The following GEN1 variants were observed in gnomAD, a reference collection of about 807,000 sequenced individuals.
GEN1 encodes GEN1 structure-specific endonuclease.
GEN1 carries 64 observed loss-of-function variants against 67.6 expected under a neutral mutation model. The observed-to-expected ratio is 0.95, with a 90% CI of 0.77 to 1.17. The LOEUF (loss-of-function observed/expected upper bound fraction) is 1.17. Among genes scored for constraint, GEN1 ranks in the 50% most tolerant of loss-of-function variants. The pLI is 0.00. For synonymous variants in GEN1, 371 were observed against 359.4 expected (o/e 1.03, Z -0.37); for missense variants, 1,058 against 1,048.3 (o/e 1.01, Z -0.13).
At chr2:17,772,825 C>A (rs1411670450) in intron 8 of GEN1, 41 bp downstream of exon 8, 2 of 1,486,078 alleles carry the variant, frequency 1.3e-6, no homozygotes, top group Non-Finnish European at 1.9e-6. Context: ...CTGGCATGAC[C>A]TATACACATA....
chr2:17,774,714 A>G (rs563977664), intron 11 of GEN1, among the ~76,000 whole-genome samples: 2 of 152,266 alleles, frequency 1.3e-5, no homozygotes, highest in South Asian at 4.1e-4. Context: ...TGGGAACTAA[A>G]ACTGGTTTTG....
Position 17,780,683 on chromosome 2 carries a change from A to G in GEN1, c.1471A>G (p.Met491Val), listed in dbSNP as rs780197637. ...TGAAGTAATGAGCTTTCAGTCACAC[A>G]TGACTTTAAAACCCACATGTGAAAT... ...PDEVMSFQSHMTLKPTCEIFH... is the reference protein window; with the variant it reads ...PDEVMSFQSHVTLKPTCEIFH... The change falls in exon 14 of 14, where the codon ATG (methionine) becomes GTG (valine). Residue 491 changes from methionine (M) to valine (V), a missense_variant. Transcript: ENST00000381254. The G allele has an allele frequency of 1.5e-5, 24 of 1,613,504 alleles. No homozygotes were observed. The highest frequency in any genetic ancestry group is 4.5e-5 in the East Asian group (2 of 44,850).
chr2:17,755,576 A>G (rs1476889990), intron 1 of GEN1: 2 of 152,226 alleles, frequency 1.3e-5, no homozygotes, highest in Admixed American at 1.3e-4. Flanking sequence ...ATCCCTTAAA[A>G]TATAATCTTG....
intron 5 of GEN1, among the ~76,000 whole-genome samples, chr2:17,767,556 C>T (rs1053261162): frequency 2.0e-5 from 3 of 152,072 alleles, no homozygotes; most frequent in Non-Finnish European, 4.4e-5. Context: ...AGGAAAGAAA[C>T]TTTTAAATAC....
intron 7 of GEN1, among the ~76,000 whole-genome samples, chr2:17,772,213 C>T (rs1408700235): frequency 1.3e-5 from 2 of 151,984 alleles, no homozygotes; most frequent in Non-Finnish European, 2.9e-5. Context: ...CTGCTATATT[C>T]TTTTAATACA....
Position 17,781,306 on chromosome 2 carries a change from G to A in GEN1, c.2094G>A (p.Leu698=). The part of the protein sequence containing the change: ...NLQPDVNLKT[L]SILSVKESCI... ...AACCAGATGTCAACCTGAAAACTTT[G>A]TCCATACTTAGTGTAAAAGAATCTT... is the stretch of plus-strand genomic sequence containing the variant. The change falls in exon 14 of 14, where the codon TTG becomes TTA. Residue 698 remains leucine (L), a synonymous_variant. Coordinates refer to ENST00000381254, the MANE Select transcript of GEN1 (RefSeq NM_001130009.3). 1 of 1,613,748 alleles carries A rather than the reference G, an allele frequency of 6.2e-7. No homozygotes were observed. Among genetic ancestry groups the A allele is most frequent in the South Asian group, 1.1e-5 (1 of 91,064 alleles).
At chr2:17,776,883 G>A (rs1246732882) in intron 11 of GEN1, among the ~76,000 whole-genome samples, 1 of 152,214 alleles carries the variant, frequency 6.6e-6, no homozygotes. Context: ...TTAGCACTTT[G>A]GGAGACCAAA....
rs1193506169 is a variant in GEN1 at position 17,780,005 on chromosome 2, A to T, written c.1292A>T (p.His431Leu). 6.2e-7 allele frequency: 1 copy of T among 1,601,234 alleles called. No individual in the cohort carries two copies. Among genetic ancestry groups the T allele is most frequent in the African/African-American group, 1.3e-5 (1 of 74,710 alleles). ...PEHYAMEDKQ[H>L]GEFALLTIEE... ...CATTATGCTATGGAAGATAAACAAC[A>T]TGGAGAATTTGCTTTATTAACAATT... is the stretch of plus-strand genomic sequence containing the variant. The change falls in exon 13 of 14, where the codon CAT becomes CTT. Residue 431 changes from histidine to leucine, a missense_variant. Transcript: ENST00000381254.
Position 17,764,989 on chromosome 2 carries a change from T to C in GEN1, c.441T>C (p.His147=). The C allele has an allele frequency of 6.2e-7, 1 of 1,614,172 alleles. No homozygotes were observed. Among genetic ancestry groups the C allele is most frequent in the Non-Finnish European group, 8.5e-7 (1 of 1,180,016 alleles). Residue 147 remains histidine, a synonymous_variant, in exon 4 of 14, where the codon CAT becomes CAC. Transcript: ENST00000381254. ...GTGCTTATCTCAATGCTGGTGGTCA[T>C]GTCGATGGCTGCCTCACCAATGATG... is the stretch of plus-strand genomic sequence containing the variant. ...AMCAYLNAGG[H]VDGCLTNDGD...
At chr2:17,760,220 T>G (rs1398282064) in intron 2 of GEN1, 116 bp downstream of exon 2, 4 of 981,076 alleles carry the variant, frequency 4.1e-6, no homozygotes, top group Non-Finnish European at 5.9e-6. Context: ...TTTTGAGGTT[T>G]TAAGATCTAT....
rs1671596508 is a variant in GEN1 at position 17,759,961 on chromosome 2, G to A, written c.18G>A (p.Leu6=). 8.7e-6 allele frequency: 14 copies of A among 1,613,810 alleles called. No homozygotes were observed. Among genetic ancestry groups the A allele is most frequent in the Non-Finnish European group, 1.2e-5 (14 of 1,179,956 alleles). ...TCACCAGAATGGGAGTGAATGACTT[G>A]TGGCAAATTTTGGAGCCTGTTAAGC... MGVND[L]WQILEPVKQH... is the part of the protein sequence containing the mutation. The change falls in exon 2 of 14, where the codon TTG becomes TTA. Residue 6 remains leucine (L), a synonymous_variant. Coordinates refer to ENST00000381254, the MANE Select transcript of GEN1 (RefSeq NM_001130009.3).
intron 5 of GEN1, among the ~76,000 whole-genome samples, chr2:17,767,904 T>C (rs1389436190): frequency 1.3e-5 from 2 of 152,226 alleles, no homozygotes; most frequent in Non-Finnish European, 2.9e-5. Flanking sequence ...TAATAACGTG[T>C]ATGCCAAAGA....
intron 12 of GEN1, 126 bp downstream of exon 12, chr2:17,778,189 CACACACACAT>C: frequency 3.1e-6 from 1 of 322,726 alleles, no homozygotes. Flanking sequence ...TATATATATA[CACACACACAT>C]ATATGTGTAT....
chr2:17,774,557 A>G, intron 11 of GEN1, 156 bp downstream of exon 11: 1 of 423,092 alleles, frequency 2.4e-6, no homozygotes. Context: ...AGAACAACAT[A>G]GTAAGTCATG....
chr2:17,762,572 T>C (rs1435454116), intron 3 of GEN1, among the ~76,000 whole-genome samples: 3 of 152,314 alleles, frequency 2.0e-5, no homozygotes, highest in Admixed American at 1.3e-4. Context: ...ATTTTTAACC[T>C]AGCCTTTTCA....
Position 17,784,383 on chromosome 2 carries a change from C to T in GEN1, c.*2444C>T, listed in dbSNP as rs561124120. On this transcript the variant is annotated 3_prime_UTR_variant, in exon 14 of 14. Transcript: ENST00000381254. ...TGGTAGGAATGTAAAATGGGGCAGC[C>T]ACTTTGGAAAAAGTCTGGTAGTTCT... The T allele has an allele frequency of 1.3e-5, 2 of 152,200 alleles. No individual in the cohort carries two copies. Among genetic ancestry groups the T allele is most frequent in the South Asian group, 4.1e-4 (2 of 4,820 alleles). 9.4% of individuals were successfully genotyped at this position (152,200 alleles called of 1,614,324 possible). A position where few individuals can be genotyped will look rare whatever the true frequency, so the allele number is the denominator to read the frequency against.
chr2:17,759,814 A>G lies in GEN1; in HGVS notation c.-15-115A>G, dbSNP rs1331791948. The G allele has an allele frequency of 3.7e-6, 3 of 819,718 alleles. No individual in the cohort carries two copies. The East Asian group carries it at 8.2e-5, about 22-fold the overall frequency. The allele number at this position is 819,718 out of a possible 1,614,324, so 50.8% of individuals were successfully genotyped here. A position where few individuals can be genotyped will look rare whatever the true frequency, so the allele number is the denominator to read the frequency against. On this transcript the variant is annotated intron_variant, in intron 1 of 13. Coordinates refer to ENST00000381254, the MANE Select transcript of GEN1 (RefSeq NM_001130009.3). ...TTTGAAACGCTGACTGATGAAAAAAATAAGGAATATCCTCTATGAATTATC... is the reference window on the plus strand; with the variant it reads ...TTTGAAACGCTGACTGATGAAAAAAGTAAGGAATATCCTCTATGAATTATC...
chr2:17,764,847 T>A (rs1002715873), intron 3 of GEN1, 50 bp from the exon 4 acceptor site: 1 of 1,511,414 alleles, frequency 6.6e-7, no homozygotes, highest in Non-Finnish European at 9.0e-7. Context: ...AGTAAATAAA[T>A]GAGCAGTGAA....
rs188396868 is a variant in GEN1 at position 17,773,359 on chromosome 2, G to A, written c.1071+60G>A. ...GTTATATGCTGGAAAGATAGGAACA[G>A]ATATTCACTCTGATTGGTCTTAGAG... On this transcript the variant is annotated intron_variant, in intron 10 of 13. Transcript: ENST00000381254. 6.7e-4 allele frequency: 680 copies of A among 1,014,784 alleles called. 4 individuals carry two copies. The African/African-American group carries it at 9.7e-3, about 14-fold the overall frequency. The allele number at this position is 1,014,784 out of a possible 1,614,324, so 62.9% of individuals were successfully genotyped here.
Sources: allele counts gnomAD v4.1 joint callset (sites outside exome capture counted in the v4.1 genomes callset), GRCh38; gene constraint gnomAD v4.1.1; transcripts MANE v1.5; gene names NCBI Gene and HGNC (gene_info 2026-07-23, HGNC 2026-07-21).